The following GRIP1 variants were observed in gnomAD, a reference collection of about 807,000 sequenced individuals.
GRIP1 encodes glutamate receptor interacting protein 1, also known as glutamate receptor-interacting protein 1.
Under a neutral mutation model 129.9 loss-of-function variants are expected in GRIP1, and 45 were observed. That is an observed-to-expected ratio of 0.35 (90% CI 0.27 to 0.44). The LOEUF (loss-of-function observed/expected upper bound fraction) is 0.44, where lower values mean the gene tolerates loss of function less well. Among genes scored for constraint, GRIP1 ranks in the 20% least tolerant of loss-of-function variants. The probability of loss-of-function intolerance (pLI) is 1.00; values close to 1 mark genes in which losing one functional copy is unlikely to be tolerated. For missense variants in GRIP1, 1,196 were observed against 1,396.8 expected (o/e 0.86, Z 2.29); for synonymous variants, 530 against 520.8 (o/e 1.02, Z -0.24).
At chr12:67,017,136 T>C (rs1459500809) in intron 1 of GRIP1, among the ~76,000 whole-genome samples, 1 of 152,162 alleles carries the variant, frequency 6.6e-6, no homozygotes, top group Non-Finnish European at 1.5e-5. Flanking sequence ...GACAGTTATT[T>C]GCACTCAAAA....
intron 1 of GRIP1, among the ~76,000 whole-genome samples, chr12:66,958,622 T>C (rs2041878101): frequency 1.3e-5 from 2 of 152,200 alleles, no homozygotes; most frequent in South Asian, 2.1e-4. Context: ...CTAGCATAAA[T>C]AGATCTTCAT....
intron 2 of GRIP1, among the ~76,000 whole-genome samples, chr12:66,586,998 A>G (rs2063663712): frequency 6.6e-6 from 1 of 152,186 alleles, no homozygotes; most frequent in African/African-American, 2.4e-5. Context: ...AACTCTTACC[A>G]TGGCCTAAAA....
In GRIP1 at chr12:66,375,668, G is replaced by A. The variant is rs79887676; in HGVS notation, c.2778+1349C>T. ...TAATGTCAAGGGCCACATCTGTCTGGAGCTATGTTACAGCAAATTCATAGG... is the reference window on the plus strand; with the variant it reads ...TAATGTCAAGGGCCACATCTGTCTGAAGCTATGTTACAGCAAATTCATAGG... On this transcript the variant is annotated intron_variant, in intron 22 of 24. Transcript: ENST00000359742. 4.3e-3 allele frequency among the ~76,000 whole-genome samples: 649 copies of A among 152,242 alleles called. 4 individuals are homozygous for A. Among genetic ancestry groups the A allele is most frequent in the African/African-American group, 0.014 (561 of 41,538 alleles).
intron 1 of GRIP1, among the ~76,000 whole-genome samples, chr12:66,832,624 T>A (rs746545746): frequency 6.6e-6 from 1 of 152,156 alleles, no homozygotes; most frequent in Non-Finnish European, 1.5e-5. Context: ...GGAGGAGGGG[T>A]ACTAAGCTGG....
At chr12:66,823,595 A>C (rs1246040498) in intron 1 of GRIP1, among the ~76,000 whole-genome samples, 3 of 152,298 alleles carry the variant, frequency 2.0e-5, no homozygotes, top group Admixed American at 1.3e-4. Flanking sequence ...AGAAAAATTA[A>C]GATTTTGTAC....
chr12:66,634,964 T>A (rs1207418052), intron 1 of GRIP1, among the ~76,000 whole-genome samples: 4 of 152,250 alleles, frequency 2.6e-5, no homozygotes, highest in African/African-American at 9.6e-5. Context: ...CCTGGCATCA[T>A]ATTATTTGTT....
At position 66,444,636 on chromosome 12, in the gene GRIP1, T is replaced by A; in HGVS notation, c.1635A>T (p.Arg545=). Residue 545 remains arginine (R), a synonymous_variant, in exon 13 of 25, where the codon CGA becomes CGT. Coordinates refer to ENST00000359742, the MANE Select transcript of GRIP1 (RefSeq NM_001366722.1). ...TGACCTTGCTCGTGATTGAAGAGTC[T>A]CGGAGGAGCTGACTGGCTTCTTCGA... ...STFEEASQLL[R]DSSITSKVTL... 1 of 1,614,078 alleles carries A rather than the reference T, an allele frequency of 6.2e-7. No homozygotes were observed. Among genetic ancestry groups the A allele is most frequent in the Non-Finnish European group, 8.5e-7 (1 of 1,179,990 alleles).
At chr12:66,584,403 A>C (rs1310999413) in intron 2 of GRIP1, among the ~76,000 whole-genome samples, 1 of 151,260 alleles carries the variant, frequency 6.6e-6, no homozygotes, top group African/African-American at 2.5e-5. Context: ...AACTTAAAGT[A>C]TAATAAAAAA....
chr12:67,012,833 C>T (rs2042730198), intron 1 of GRIP1, among the ~76,000 whole-genome samples: 1 of 152,070 alleles, frequency 6.6e-6, no homozygotes, highest in South Asian at 2.1e-4. Flanking sequence ...GAGATAAACC[C>T]CTCAAAAGCA....
chr12:66,738,662 G>A (rs1474542723), intron 1 of GRIP1, among the ~76,000 whole-genome samples: 1 of 152,200 alleles, frequency 6.6e-6, no homozygotes, highest in African/African-American at 2.4e-5. Context: ...AGCAAAAGGG[G>A]ACACAGGGAG....
intron 7 of GRIP1, among the ~76,000 whole-genome samples, chr12:66,498,713 A>T (rs1393062538): frequency 1.3e-5 from 2 of 152,140 alleles, no homozygotes; most frequent in African/African-American, 4.8e-5. Flanking sequence ...AAAAAAATGT[A>T]TTTGAGATTT....
chr12:66,646,494 C>T lies in GRIP1; in HGVS notation c.55+32356G>A, dbSNP rs145261545. On this transcript the variant is annotated intron_variant, in intron 1 of 24. Coordinates refer to ENST00000359742, the MANE Select transcript of GRIP1 (RefSeq NM_001366722.1). ...CAAAAATAAGCTGGATGTGGTGGCG[C>T]GCACCTGCAGTCCCAGTGACTTGGG... is the stretch of plus-strand genomic sequence containing the variant. Among the ~76,000 whole-genome samples, 47 of 152,208 alleles carry T rather than the reference C, an allele frequency of 3.1e-4. 1 individual carries two copies. Among genetic ancestry groups the T allele is most frequent in the East Asian group, 2.3e-3 (12 of 5,170 alleles).
chr12:66,580,612 T>C (rs1426476229), intron 2 of GRIP1, among the ~76,000 whole-genome samples: 3 of 147,444 alleles, frequency 2.0e-5, no homozygotes, highest in African/African-American at 7.5e-5. Context: ...GCAATCCTAG[T>C]CTCTGATAAA....
intron 1 of GRIP1, among the ~76,000 whole-genome samples, chr12:66,820,602 C>T (rs1272187148): frequency 6.6e-6 from 1 of 151,876 alleles, no homozygotes; most frequent in East Asian, 1.9e-4. Flanking sequence ...TGGAAGCAAC[C>T]AATATGTCTT....
At chr12:66,804,459 A>G (rs1285175165), upstream of GRIP1, among the ~76,000 whole-genome samples, 1 of 152,178 alleles carries the variant, frequency 6.6e-6, no homozygotes, top group East Asian at 1.9e-4. Context: ...AGGAAAAGAG[A>G]AAGAAAATGA....
At chr12:66,790,355 T>C (rs2038490968) in intron 1 of GRIP1, among the ~76,000 whole-genome samples, 1 of 152,156 alleles carries the variant, frequency 6.6e-6, no homozygotes, top group African/African-American at 2.4e-5. Flanking sequence ...CTCAAAAAAT[T>C]TTAGCCTTGA....
chr12:66,882,628 A>G (rs1353475062), intron 1 of GRIP1, among the ~76,000 whole-genome samples: 2 of 152,236 alleles, frequency 1.3e-5, no homozygotes, highest in East Asian at 3.8e-4. Context: ...TCATACAAAT[A>G]AAGTATTATC....
chr12:66,560,723 A>G (rs1311823111), intron 2 of GRIP1, among the ~76,000 whole-genome samples: 1 of 152,118 alleles, frequency 6.6e-6, no homozygotes, highest in African/African-American at 2.4e-5. Context: ...TGGTGGGAAT[A>G]TAAATTAGTA....
intron 1 of GRIP1, among the ~76,000 whole-genome samples, chr12:66,685,963 C>T (rs557533491): frequency 1.8e-4 from 28 of 152,018 alleles, no homozygotes; most frequent in South Asian, 1.4e-3. Flanking sequence ...AAACTTTTGT[C>T]GAATAAATAA....
Sources: gnomAD v4.1 joint callset for allele counts (sites outside exome capture counted in the v4.1 genomes callset) on GRCh38, gnomAD v4.1.1 for gene constraint, MANE v1.5 for transcripts, NCBI Gene and HGNC (gene_info 2026-07-23, HGNC 2026-07-21) for gene names.